Variants in DPYD observed in about 807,000 individuals in gnomAD.
The protein encoded by DPYD is dihydropyrimidine dehydrogenase.
A neutral mutation model predicts 116.2 loss-of-function variants in DPYD; 109 were observed. The ratio of observed to expected loss-of-function variants is 0.94; its 90% CI spans 0.80 to 1.10. The LOEUF is 1.10. Ranked by LOEUF, DPYD falls within the 50% of genes least tolerant of loss-of-function variation. DPYD has a pLI of 0.00. For synonymous variants in DPYD, 440 were observed against 432.0 expected, an observed-to-expected ratio of 1.02 and a Z score of -0.23; for missense variants, 1,302 against 1,254.5, an observed-to-expected ratio of 1.04 and a Z score of -0.57.
chr1:97,475,191 T>G (rs1677885076), intron 13 of DPYD, among the ~76,000 whole-genome samples: 1 of 152,114 alleles, frequency 6.6e-6, no homozygotes, highest in Non-Finnish European at 1.5e-5. Flanking sequence ...AATATTAAAT[T>G]AATGGGGAAA....
At chr1:97,806,853 T>C (rs758380115) in intron 3 of DPYD, among the ~76,000 whole-genome samples, 2 of 151,990 alleles carry the variant, frequency 1.3e-5, no homozygotes, top group East Asian at 1.9e-4. Flanking sequence ...CAACCCCTCA[T>C]ATTTTCACTG....
At chr1:97,618,711 C>T (rs375547162) in intron 8 of DPYD, among the ~76,000 whole-genome samples, 5 of 152,224 alleles carry the variant, frequency 3.3e-5, no homozygotes, top group African/African-American at 1.2e-4. Flanking sequence ...GTAGATGATA[C>T]AGAATTTGAA....
At chr1:97,169,297 CAG>C (rs1047307078) in intron 20 of DPYD, among the ~76,000 whole-genome samples, 12 of 152,238 alleles carry the variant, frequency 7.9e-5, no homozygotes, top group Non-Finnish European at 1.5e-4. Flanking sequence ...CCATTTTCTT[CAG>C]AGTGTTCTAA....
At chr1:97,617,693 A>C (rs763782216) in intron 8 of DPYD, among the ~76,000 whole-genome samples, 11 of 152,130 alleles carry the variant, frequency 7.2e-5, no homozygotes, top group Non-Finnish European at 1.5e-4. Flanking sequence ...GGTGGAGTGC[A>C]TACCTGGGAA....
intron 22 of DPYD, among the ~76,000 whole-genome samples, chr1:97,081,681 T>G (rs1649154810): frequency 6.6e-6 from 1 of 150,968 alleles, no homozygotes; most frequent in South Asian, 2.1e-4. Flanking sequence ...AAATCCCCAA[T>G]TTTTCTTTCT....
chr1:97,375,925 T>G (rs553978073), intron 15 of DPYD, among the ~76,000 whole-genome samples: 1 of 152,332 alleles, frequency 6.6e-6, no homozygotes, highest in Non-Finnish European at 1.5e-5. Context: ...CTTTGCATAA[T>G]AATTTTATAC....
intron 7 of DPYD, among the ~76,000 whole-genome samples, chr1:97,683,696 C>A (rs1279837215): frequency 2.0e-5 from 3 of 151,632 alleles, no homozygotes; most frequent in Non-Finnish European, 4.4e-5. Flanking sequence ...AAGGGAATAC[C>A]CAATTTTATT....
intron 14 of DPYD, among the ~76,000 whole-genome samples, chr1:97,404,422 G>A (rs1371785549): frequency 2.0e-5 from 3 of 152,064 alleles, no homozygotes; most frequent in Non-Finnish European, 4.4e-5. Context: ...TGCACTACTT[G>A]TCTTTGCTGT....
At chr1:97,861,768 A>G (rs1671129440) in intron 2 of DPYD, among the ~76,000 whole-genome samples, 1 of 151,978 alleles carries the variant, frequency 6.6e-6, no homozygotes. Context: ...AATTTAGAGG[A>G]TGACAATACT....
chr1:97,179,754 G>A (rs890689139), intron 20 of DPYD, among the ~76,000 whole-genome samples: 1 of 152,050 alleles, frequency 6.6e-6, no homozygotes, highest in Non-Finnish European at 1.5e-5. Context: ...ACATTTCGAG[G>A]GGTCACCTGT....
At chr1:97,485,551 T>A (rs1252510167) in intron 13 of DPYD, among the ~76,000 whole-genome samples, 2 of 152,162 alleles carry the variant, frequency 1.3e-5, no homozygotes, top group Non-Finnish European at 2.9e-5. Context: ...TGTCATTTAA[T>A]ATTTTATTCA....
At chr1:97,490,553 G>A (rs1678918865) in intron 13 of DPYD, among the ~76,000 whole-genome samples, 1 of 148,652 alleles carries the variant, frequency 6.7e-6, no homozygotes, top group Non-Finnish European at 1.5e-5. Context: ...GCAGAGAGAA[G>A]GCAAAAAGAG....
Position 97,079,095 on chromosome 1 carries a change from T to A in DPYD, c.2959A>T (p.Thr987Ser). ...THLPTITDTC[T>S]GCTLCLSVCP... ...ACACTGAGACACAGAGTACAGCCTG[T>A]ACAAGTGTCGGTTATGGTGGGCAGG... The change falls in exon 23 of 23, where the codon ACA becomes TCA. Residue 987 changes from threonine (T) to serine (S), a missense_variant. Transcript: ENST00000370192. 1 of 1,613,770 alleles carries A rather than the reference T, an allele frequency of 6.2e-7. No individual in the cohort carries two copies. Among genetic ancestry groups the A allele is most frequent in the Non-Finnish European group, 8.5e-7 (1 of 1,179,738 alleles).
chr1:97,419,125 T>C (rs1161841944), intron 14 of DPYD, among the ~76,000 whole-genome samples: 1 of 152,104 alleles, frequency 6.6e-6, no homozygotes, highest in Non-Finnish European at 1.5e-5. Flanking sequence ...CACCAGAAAC[T>C]CCATTATGCA....
chr1:97,715,868 C>T (rs546754601), intron 5 of DPYD, among the ~76,000 whole-genome samples: 43 of 152,056 alleles, frequency 2.8e-4, no homozygotes, highest in Non-Finnish European at 6.0e-4. Context: ...ACCTGCAATA[C>T]TCTATTGTTC....
chr1:97,468,296 G>C (rs111479547), intron 13 of DPYD, among the ~76,000 whole-genome samples: 39 of 151,964 alleles, frequency 2.6e-4, no homozygotes, highest in African/African-American at 8.9e-4. Flanking sequence ...GAATGTTTTT[G>C]TCCCTTCAAA....
chr1:97,758,357 G>C (rs1450329352), intron 3 of DPYD, among the ~76,000 whole-genome samples: 1 of 66,334 alleles, frequency 1.5e-5, no homozygotes, highest in Non-Finnish European at 3.4e-5. Context: ...CAGATTATGA[G>C]AGCAAAAAAA....
chr1:97,082,078 T>C (rs768334686), intron 22 of DPYD, among the ~76,000 whole-genome samples: 4 of 152,138 alleles, frequency 2.6e-5, no homozygotes, highest in Non-Finnish European at 5.9e-5. Context: ...TTCTCTCTAA[T>C]GTTGTGGCTG....
intron 8 of DPYD, among the ~76,000 whole-genome samples, chr1:97,625,696 A>G (rs2100781047): frequency 6.6e-6 from 1 of 152,130 alleles, no homozygotes; most frequent in South Asian, 2.1e-4. Context: ...ATGGTCATCT[A>G]CAATGCCAAG....
Sources: gnomAD v4.1 joint callset for allele counts (sites outside exome capture counted in the v4.1 genomes callset) on GRCh38, gnomAD v4.1.1 for gene constraint, MANE v1.5 for transcripts, NCBI Gene and HGNC (gene_info 2026-07-23, HGNC 2026-07-21) for gene names.